RNF44: variants seen among roughly 807,000 people sequenced by gnomAD.
The protein encoded by RNF44 is ring finger protein 44.
A neutral mutation model predicts 53.6 loss-of-function variants in RNF44; 25 were observed. The observed-to-expected ratio is 0.47, with a 90% CI of 0.34 to 0.65. The LOEUF is 0.65. RNF44 is among the 30% of genes least tolerant of loss of function. The pLI is 0.01. For synonymous variants in RNF44, 282 were observed against 252.2 expected (o/e 1.12, Z -1.12); for missense variants, 581 against 595.5 (o/e 0.98, Z 0.25).
Position 176,527,739 on chromosome 5 carries a change from C to A in RNF44, c.*1289G>T, listed in dbSNP as rs1756156016. On this transcript the variant is annotated 3_prime_UTR_variant, in exon 11 of 11. Coordinates refer to ENST00000274811, the MANE Select transcript of RNF44 (RefSeq NM_014901.5). ...GCAGCAACCCCAGCTGGGTATAGGA[C>A]AAGAAAGGATTGGGACCAGGGAAAG... is the stretch of plus-strand genomic sequence containing the variant. 3 of 152,302 alleles carry A rather than the reference C, an allele frequency of 2.0e-5. No homozygotes were observed. The highest frequency in any genetic ancestry group is 2.4e-5 in the African/African-American group (1 of 41,422). The allele number at this position is 152,302 out of a possible 1,614,324, so 9.4% of individuals were successfully genotyped here.
Position 176,528,229 on chromosome 5 carries a change from T to A in RNF44, c.*799A>T, listed in dbSNP as rs1458385417. 1 of 152,138 alleles carries A rather than the reference T, an allele frequency of 6.6e-6. No homozygotes were observed. Among genetic ancestry groups the A allele is most frequent in the East Asian group, 1.9e-4 (1 of 5,186 alleles). 9.4% of individuals were successfully genotyped at this position (152,138 alleles called of 1,614,324 possible). ...ATCCTACACGTGATTTTGGGCCAAATGAATGAACAAAAACTGCTGCTCCTC... is the reference window on the plus strand; with the variant it reads ...ATCCTACACGTGATTTTGGGCCAAAAGAATGAACAAAAACTGCTGCTCCTC... On this transcript the variant is annotated 3_prime_UTR_variant, in exon 11 of 11. Coordinates refer to ENST00000274811, the MANE Select transcript of RNF44 (RefSeq NM_014901.5).
intron 1 of RNF44, 136 bp from the exon 2 acceptor site, chr5:176,532,652 A>C (rs564701834): frequency 3.3e-6 from 2 of 611,576 alleles, no homozygotes; most frequent in African/African-American, 4.0e-5. Flanking sequence ...CTGAGGCATG[A>C]GAATCGCTTG....
rs1328112963 is a variant in RNF44 at position 176,527,902 on chromosome 5, A to G, written c.*1126T>C. The G allele has an allele frequency of 1.3e-5, 2 of 152,376 alleles. No homozygotes were observed. Among genetic ancestry groups the G allele is most frequent in the African/African-American group, 2.4e-5 (1 of 41,378 alleles). 9.4% of individuals were successfully genotyped at this position (152,376 alleles called of 1,614,324 possible). On this transcript the variant is annotated 3_prime_UTR_variant, in exon 11 of 11. Transcript: ENST00000274811. ...TCCTCCTGGGACTTCCTTGGAGGAG[A>G]TTCGCCCAGGCAGGTGGGAGTTGGG...
rs1756168124 is a variant in RNF44 at position 176,527,876 on chromosome 5, A to G, written c.*1152T>C. On this transcript the variant is annotated 3_prime_UTR_variant, in exon 11 of 11. Coordinates refer to ENST00000274811, the MANE Select transcript of RNF44 (RefSeq NM_014901.5). ...GGGGTCCACAGCCTTCCTGGTCCCC[A>G]TCCTCCTGGGACTTCCTTGGAGGAG... 1 of 152,274 alleles carries G rather than the reference A, an allele frequency of 6.6e-6. No individual in the cohort carries two copies. The highest frequency in any genetic ancestry group is 2.4e-5 in the African/African-American group (1 of 41,392). The allele number at this position is 152,274 out of a possible 1,614,324, so 9.4% of individuals were successfully genotyped here.
At chr5:176,533,134 C>T (rs919958284) in intron 1 of RNF44, among the ~76,000 whole-genome samples, 1 of 152,184 alleles carries the variant, frequency 6.6e-6, no homozygotes, top group South Asian at 2.1e-4. Context: ...AACTTGGCCT[C>T]CAGGCGGCAG....
At position 176,528,164 on chromosome 5, in the gene RNF44, A is replaced by G. The variant is rs1480219732; in HGVS notation, c.*864T>C. Reference sequence around the variant, plus strand: ...TCCCTATACCCGCCCCTATTAAACCAAAAGAAAAAAGAAATTGTCTTAAAT... The same window carrying G: ...TCCCTATACCCGCCCCTATTAAACCGAAAGAAAAAAGAAATTGTCTTAAAT... On this transcript the variant is annotated 3_prime_UTR_variant, in exon 11 of 11. Coordinates refer to ENST00000274811, the MANE Select transcript of RNF44 (RefSeq NM_014901.5). 2 of 152,394 alleles carry G rather than the reference A, an allele frequency of 1.3e-5. No homozygotes were observed. The highest frequency in any genetic ancestry group is 2.9e-5 in the Non-Finnish European group (2 of 68,034). 9.4% of individuals were successfully genotyped at this position (152,394 alleles called of 1,614,324 possible).
chr5:176,531,870 A>G lies in RNF44; in HGVS notation c.297+134T>C. 9.6e-7 allele frequency: 1 copy of G among 1,040,018 alleles called. No homozygotes were observed. The highest frequency in any genetic ancestry group is 1.4e-6 in the Non-Finnish European group (1 of 723,364). 64.4% of individuals were successfully genotyped at this position (1,040,018 alleles called of 1,614,324 possible). A position where few individuals can be genotyped will look rare whatever the true frequency, so the allele number is the denominator to read the frequency against. On this transcript the variant is annotated intron_variant, in intron 3 of 10. Coordinates refer to ENST00000274811, the MANE Select transcript of RNF44 (RefSeq NM_014901.5). The surrounding 1 kb of genome is among the most constrained non-coding windows in gnomAD (Gnocchi z 4.2). The stretch of plus-strand genomic sequence containing the variant: ...CCTTTCCCCGGGCCTCAGTTTACCT[A>G]CCTGTAAAGCAGGGCCAATAATGCC...
Position 176,529,753 on chromosome 5 carries a change from T to A in RNF44, c.992A>T (p.Asp331Val), listed in dbSNP as rs940113777. 2.4e-5 allele frequency: 38 copies of A among 1,612,290 alleles called. No homozygotes were observed. The highest frequency in any genetic ancestry group is 3.3e-5 in the Admixed American group (2 of 59,832). Residue 331 changes from aspartate (D) to valine (V), a missense_variant, in exon 8 of 11, where the codon GAT (aspartate) becomes GTT (valine). By Grantham distance (152) the Asp-to-Val change is radical. Coordinates refer to ENST00000274811, the MANE Select transcript of RNF44 (RefSeq NM_014901.5). ...PTISLDLDVD[D>V]VEMENYEALL... ...GACCTCATAGTTCTCCATCTCCACATCATCCACGTCCAGGTCCAGGCTGAT... is the reference window on the plus strand; with the variant it reads ...GACCTCATAGTTCTCCATCTCCACAACATCCACGTCCAGGTCCAGGCTGAT...
intron 1 of RNF44, among the ~76,000 whole-genome samples, chr5:176,535,244 C>G (rs1757047555): frequency 6.6e-6 from 1 of 152,222 alleles, no homozygotes; most frequent in Admixed American, 6.5e-5. Flanking sequence ...CTCCCAGTTT[C>G]CCATCAAGGA....
rs374922307 is a variant in RNF44 at position 176,529,006 on chromosome 5, C to T, written c.*22G>A. 1.9e-6 allele frequency: 3 copies of T among 1,606,916 alleles called. No individual in the cohort carries two copies. The highest frequency in any genetic ancestry group is 1.7e-5 in the Admixed American group (1 of 59,604). Reference sequence around the variant, plus strand: ...TTCCAGAGCTTCAGGCAGGGTTCTCCCGGGCAGGCGGCTGCGTGGCCTCAC... The same window carrying T: ...TTCCAGAGCTTCAGGCAGGGTTCTCTCGGGCAGGCGGCTGCGTGGCCTCAC... On this transcript the variant is annotated 3_prime_UTR_variant, in exon 11 of 11. Transcript: ENST00000274811.
chr5:176,530,051 A>G (rs527308000), intron 7 of RNF44, 31 bp downstream of exon 7: 4 of 1,213,012 alleles, frequency 3.3e-6, no homozygotes, highest in African/African-American at 3.3e-5. Context: ...ACAGGGCATC[A>G]GGGACCTGGG....
chr5:176,538,539 T>C (rs1757365422), upstream of RNF44, among the ~76,000 whole-genome samples: 2 of 152,194 alleles, frequency 1.3e-5, no homozygotes, highest in African/African-American at 4.8e-5. Context: ...ACAGGTCGAA[T>C]AATGAATATT....
rs1756391503 is a variant in RNF44, at chr5:176,529,818, G to A, written c.927C>T (p.Leu309=). 1.3e-6 allele frequency: 2 copies of A among 1,596,552 alleles called. No homozygotes were observed. The highest frequency in any genetic ancestry group is 2.7e-5 in the African/African-American group (2 of 74,634). ...PYYPSFLPYF[L]SMLPMSPTAM... ...CTGTTGGTGACATTGGCAGCATCGA[G>A]CTAGAGAGAGACAAGTGTGGGGGCC... The change falls in exon 8 of 11, where the codon CTC becomes CTT. Residue 309 remains leucine, a splice_region_variant and synonymous_variant. Coordinates refer to ENST00000274811, the MANE Select transcript of RNF44 (RefSeq NM_014901.5).
At position 176,531,481 on chromosome 5, in the gene RNF44, G is replaced by A. The variant is rs1756655208; in HGVS notation, c.447C>T (p.Leu149=). 6.4e-7 allele frequency: 1 copy of A among 1,571,746 alleles called. No individual in the cohort carries two copies. The highest frequency in any genetic ancestry group is 1.2e-5 in the South Asian group (1 of 86,188). ...CACTCACCGGGGGCGGGAGGCAGCA[G>A]AGGGGGTAATGCTGCCCACTGAACA... ...SVMFSGQHYP[L]CCLPPPLIQA... is the part of the protein sequence containing the mutation. Residue 149 remains leucine, a synonymous_variant, in exon 4 of 11, where the codon CTC becomes CTT. Transcript: ENST00000274811. This position sits in a 1 kb window ranked among gnomAD's most constrained non-coding sequence, Gnocchi z 4.2.
Position 176,527,029 on chromosome 5 carries a change from C to CA in RNF44, c.*1998dup, listed in dbSNP as rs562712276. 7 of 152,242 alleles carry CA rather than the reference C, an allele frequency of 4.6e-5. 1 individual carries two copies. In the South Asian group the frequency reaches 1.5e-3, roughly 32 times the overall value. The allele number at this position is 152,242 out of a possible 1,614,324, so 9.4% of individuals were successfully genotyped here. A position where few individuals can be genotyped will look rare whatever the true frequency, so the allele number is the denominator to read the frequency against. ...AAAAATGAGGTAACTGTAAAATGTG[C>CA]AAGGAACAGGGCCCCCAAAATTACA... On this transcript the variant is annotated 3_prime_UTR_variant, in exon 11 of 11. Coordinates refer to ENST00000274811, the MANE Select transcript of RNF44 (RefSeq NM_014901.5).
At chr5:176,540,350 C>T (rs1411364096), upstream of RNF44, among the ~76,000 whole-genome samples, 5 of 152,290 alleles carry the variant, frequency 3.3e-5, no homozygotes, top group East Asian at 3.9e-4. Flanking sequence ...CCCAGGAAAG[C>T]GACCCTCCAG....
intron 6 of RNF44, 150 bp from the exon 7 acceptor site, chr5:176,530,356 CCGGAGCCCACG>C (rs1756488950): frequency 8.4e-6 from 3 of 358,578 alleles, no homozygotes; most frequent in East Asian, 1.5e-4. Flanking sequence ...CCCAGCCGCC[CCGGAGCCCACG>C]TGCAAGTCAG....
chr5:176,538,100 T>C (rs2963694), upstream of RNF44: 148,802 of 152,300 alleles, frequency 0.98, 72,782 homozygotes, highest in Middle Eastern at 1. Flanking sequence ...AGCGTGGCGG[T>C]GGAGGAAGAG....
upstream of RNF44, among the ~76,000 whole-genome samples, chr5:176,541,363 T>C (rs1305161515): frequency 6.6e-6 from 1 of 152,180 alleles, no homozygotes; most frequent in African/African-American, 2.4e-5. Context: ...AAACCTGGGA[T>C]CCCATTCTCA....
Sources: allele counts gnomAD v4.1 joint callset (sites outside exome capture counted in the v4.1 genomes callset), GRCh38; gene constraint gnomAD v4.1.1; non-coding constraint Gnocchi (gnomAD v3.1); transcripts MANE v1.5; gene names NCBI Gene and HGNC (gene_info 2026-07-23, HGNC 2026-07-21).